CACNG2: variants seen among roughly 807,000 people sequenced by gnomAD.
CACNG2 encodes voltage-dependent calcium channel gamma-2 subunit.
In CACNG2, 3 loss-of-function variants were observed where a neutral mutation model predicts 25.9. The observed-to-expected ratio is 0.12, with a 90% CI of 0.05 to 0.30. CACNG2 has a LOEUF of 0.30. CACNG2 is among the 10% of genes least tolerant of loss of function. The pLI, the probability that CACNG2 is intolerant of heterozygous loss-of-function variation, is 1.00. For synonymous variants in CACNG2, 167 were observed against 173.3 expected, an observed-to-expected ratio of 0.96 and a Z score of 0.29; for missense variants, 341 against 432.5, an observed-to-expected ratio of 0.79 and a Z score of 1.88.
chr22:36,588,070 G>A (rs140779390), intron 1 of CACNG2, among the ~76,000 whole-genome samples: 3 of 152,260 alleles, frequency 2.0e-5, no homozygotes, highest in African/African-American at 7.2e-5. Flanking sequence ...AAACCCAGCC[G>A]CCAACTGCTC....
At chr22:36,579,356 A>C (rs1343474076) in intron 2 of CACNG2, among the ~76,000 whole-genome samples, 1 of 141,634 alleles carries the variant, frequency 7.1e-6, no homozygotes, top group Admixed American at 7.6e-5. Flanking sequence ...GTGAGCTGAG[A>C]TCATACCACT....
chr22:36,666,170 T>C (rs1936872100), intron 1 of CACNG2, among the ~76,000 whole-genome samples: 1 of 152,162 alleles, frequency 6.6e-6, no homozygotes, highest in African/African-American at 2.4e-5. Flanking sequence ...TTTTGGAGGC[T>C]GATGTGGGAG....
intron 1 of CACNG2, among the ~76,000 whole-genome samples, chr22:36,645,686 A>C (rs185301810): frequency 6.6e-6 from 1 of 152,322 alleles, no homozygotes; most frequent in African/African-American, 2.4e-5. Flanking sequence ...ATGCTCTGCA[A>C]ATTGGCATTT....
intron 1 of CACNG2, among the ~76,000 whole-genome samples, chr22:36,609,449 A>C (rs1391590531): frequency 7.8e-6 from 1 of 127,880 alleles, no homozygotes; most frequent in Admixed American, 8.1e-5. Context: ...GGCAGGAATC[A>C]ACCCCCTAGA....
chr22:36,663,762 C>G (rs1219232953), intron 1 of CACNG2, among the ~76,000 whole-genome samples: 1 of 152,174 alleles, frequency 6.6e-6, no homozygotes. Context: ...GTCATGGGGA[C>G]CCGCTGTGTC....
At chr22:36,601,501 TA>T (rs1233865196) in intron 1 of CACNG2, among the ~76,000 whole-genome samples, 1 of 152,018 alleles carries the variant, frequency 6.6e-6, no homozygotes, top group African/African-American at 2.4e-5. Flanking sequence ...TTTTATTTTT[TA>T]TTTTTTTTTG....
In CACNG2 at chr22:36,587,598, C is replaced by T. The variant is rs200853858; in HGVS notation, c.212-50G>A. 1.1e-3 allele frequency: 1,395 copies of T among 1,312,412 alleles called. 4 individuals carry two copies. Among genetic ancestry groups the T allele is most frequent in the Non-Finnish European group, 1.4e-3 (1,274 of 904,700 alleles). 81.3% of individuals were successfully genotyped at this position (1,312,412 alleles called of 1,614,324 possible). A position where few individuals can be genotyped will look rare whatever the true frequency, so the allele number is the denominator to read the frequency against. On this transcript the variant is annotated intron_variant, in intron 1 of 3. Transcript: ENST00000300105. ...ACATGAAACATCATAGTTTTGGGGG[C>T]GCTTAGGGCCCACCTGCCTCTTCCC...
intron 1 of CACNG2, among the ~76,000 whole-genome samples, chr22:36,608,643 A>C (rs1213418218): frequency 6.6e-6 from 1 of 152,098 alleles, no homozygotes; most frequent in African/African-American, 2.4e-5. Context: ...ATAGGGACTC[A>C]GGACTGATGC....
At chr22:36,679,405 G>C (rs374059212) in intron 1 of CACNG2, among the ~76,000 whole-genome samples, 53 of 152,168 alleles carry the variant, frequency 3.5e-4, no homozygotes, top group African/African-American at 1.2e-3. Context: ...AGAGGTTATA[G>C]GAGATGGCTC....
At chr22:36,598,490 G>T (rs573025142) in intron 1 of CACNG2, among the ~76,000 whole-genome samples, 34 of 150,602 alleles carry the variant, frequency 2.3e-4, no homozygotes, top group Admixed American at 1.9e-3. Flanking sequence ...TGGTGGCGGG[G>T]GCCTGTAATC....
chr22:36,623,112 C>T (rs983952268), intron 1 of CACNG2, among the ~76,000 whole-genome samples: 106 of 145,664 alleles, frequency 7.3e-4, no homozygotes, highest in Non-Finnish European at 1.3e-3. Flanking sequence ...CCTCTACCTC[C>T]TAGGTTCAAG....
intron 1 of CACNG2, among the ~76,000 whole-genome samples, chr22:36,679,197 C>CCTTCCTTCCTTCCTTTCTTTCTTTCTTT (rs1491420417): frequency 2.6e-4 from 14 of 54,790 alleles, no homozygotes; most frequent in African/African-American, 9.0e-4. Context: ...TTCCTTCCTT[C>CCTTCCTTCCTTCCTTTCTTTCTTTCTTT]CTTTCTTTCT....
chr22:36,691,852 A>T (rs1012964462), intron 1 of CACNG2, among the ~76,000 whole-genome samples: 1 of 152,226 alleles, frequency 6.6e-6, no homozygotes, highest in African/African-American at 2.4e-5. Context: ...TATTGAAGTG[A>T]TGGCAGAACC....
chr22:36,660,307 G>A (rs979160648), intron 1 of CACNG2, among the ~76,000 whole-genome samples: 1 of 152,250 alleles, frequency 6.6e-6, no homozygotes, highest in Non-Finnish European at 1.5e-5. Context: ...CTTGCCGGGG[G>A]GCAGTTGCTG....
chr22:36,648,304 C>T (rs1936558227), intron 1 of CACNG2, among the ~76,000 whole-genome samples: 1 of 152,222 alleles, frequency 6.6e-6, no homozygotes, highest in Non-Finnish European at 1.5e-5. Context: ...AGAGCATATG[C>T]TCTGCAAATT....
intron 1 of CACNG2, among the ~76,000 whole-genome samples, chr22:36,663,498 T>G (rs1936829446): frequency 6.6e-6 from 1 of 152,178 alleles, no homozygotes; most frequent in Admixed American, 6.5e-5. Context: ...AGTTTTTTTC[T>G]TTTTAGAGCA....
intron 1 of CACNG2, among the ~76,000 whole-genome samples, chr22:36,623,297 A>T (rs1936136797): frequency 6.6e-6 from 1 of 152,142 alleles, no homozygotes; most frequent in East Asian, 1.9e-4. Context: ...CTGGGATTAC[A>T]GGCATGAGCC....
chr22:36,564,320 T>C lies in CACNG2; in HGVS notation c.*31A>G, dbSNP rs1569013651. On this transcript the variant is annotated 3_prime_UTR_variant, in exon 4 of 4. Transcript: ENST00000300105. This position sits in a 1 kb window ranked among gnomAD's most constrained non-coding sequence, Gnocchi z 6.7. Reference sequence around the variant, plus strand: ...CCCGCCCCCGGGGACCGCGCCCTCCTCCCGCGGTCTTCTGGCGAGGCCCGC... The same window carrying C: ...CCCGCCCCCGGGGACCGCGCCCTCCCCCCGCGGTCTTCTGGCGAGGCCCGC... The C allele has an allele frequency of 1.4e-6, 2 of 1,431,576 alleles. No individual in the cohort carries two copies. The highest frequency in any genetic ancestry group is 1.5e-5 in the African/African-American group (1 of 68,690). 88.7% of individuals were successfully genotyped at this position (1,431,576 alleles called of 1,614,324 possible).
At chr22:36,684,706 A>T (rs1373636491) in intron 1 of CACNG2, among the ~76,000 whole-genome samples, 1 of 152,076 alleles carries the variant, frequency 6.6e-6, no homozygotes, top group African/African-American at 2.4e-5. Context: ...TTGAGCCTTC[A>T]CTCAGTATGC....
Sources: allele counts gnomAD v4.1 joint callset (sites outside exome capture counted in the v4.1 genomes callset), GRCh38; gene constraint gnomAD v4.1.1; non-coding constraint Gnocchi (gnomAD v3.1); transcripts MANE v1.5; gene names NCBI Gene and HGNC (gene_info 2026-07-23, HGNC 2026-07-21).